The following SYT14 variants were observed in gnomAD, a reference collection of about 807,000 sequenced individuals.
The protein encoded by SYT14 is synaptotagmin 14.
Under a neutral mutation model 74.2 loss-of-function variants are expected in SYT14, and 32 were observed. That is an observed-to-expected ratio of 0.43 (90% confidence interval 0.33 to 0.58). SYT14 has a LOEUF of 0.58. Ranked by LOEUF, SYT14 falls within the 20% of genes least tolerant of loss-of-function variation. SYT14 has a pLI of 0.05. For missense variants in SYT14, 791 were observed against 981.8 expected (o/e 0.81, Z 2.60); for synonymous variants, 298 against 337.7 (o/e 0.88, Z 1.29).
At chr1:210,157,413 G>C (rs1021867387) in intron 8 of SYT14, among the ~76,000 whole-genome samples, 20 of 151,274 alleles carry the variant, frequency 1.3e-4, no homozygotes, top group Middle Eastern at 3.4e-3. Flanking sequence ...CCGCACTCCA[G>C]CCTGGGTGAC....
intron 7 of SYT14, among the ~76,000 whole-genome samples, chr1:210,155,410 C>A (rs886154450): frequency 3.0e-4 from 45 of 152,126 alleles, no homozygotes; most frequent in African/African-American, 1.1e-3. Flanking sequence ...AATCTTTAAA[C>A]AATAATTTCT....
At position 209,982,110 on chromosome 1, in the gene SYT14, G is replaced by T. The variant is rs192474457; in HGVS notation, c.-486+29354G>T. Reference sequence around the variant, plus strand: ...AGAATGCCAGTAATTCATAGGTTTGGTTACTTTACATAGTCCCATATTTCT... The same window carrying T: ...AGAATGCCAGTAATTCATAGGTTTGTTTACTTTACATAGTCCCATATTTCT... On this transcript the variant is annotated intron_variant, in intron 2 of 9. Transcript: ENST00000637265. 2.0e-5 allele frequency among the ~76,000 whole-genome samples: 3 copies of T among 151,936 alleles called. No homozygotes were observed. In the East Asian group the frequency reaches 5.8e-4, roughly 29 times the overall value.
chr1:210,021,584 G>A (rs1376759960), intron 5 of SYT14, among the ~76,000 whole-genome samples: 1 of 152,208 alleles, frequency 6.6e-6, no homozygotes, highest in Non-Finnish European at 1.5e-5. Context: ...CTCTATACCT[G>A]TTATAGGAAC....
At chr1:209,993,174 C>T (rs578256719) in intron 2 of SYT14, among the ~76,000 whole-genome samples, 1 of 152,312 alleles carries the variant, frequency 6.6e-6, no homozygotes, top group African/African-American at 2.4e-5. Context: ...TTCCCCATCC[C>T]CCTTCAGGAA....
chr1:210,086,622 A>G (rs1403913688), intron 5 of SYT14, among the ~76,000 whole-genome samples: 1 of 152,190 alleles, frequency 6.6e-6, no homozygotes, highest in Non-Finnish European at 1.5e-5. Context: ...CCTGGTTCCT[A>G]TTAGTGGATA....
chr1:210,096,466 A>G (rs970197396), intron 6 of SYT14, among the ~76,000 whole-genome samples: 1 of 152,200 alleles, frequency 6.6e-6, no homozygotes, highest in African/African-American at 2.4e-5. Flanking sequence ...TCAGAAATCC[A>G]TTAACACACC....
intron 2 of SYT14, among the ~76,000 whole-genome samples, chr1:209,978,332 G>A (rs940565648): frequency 1.3e-5 from 2 of 151,924 alleles, no homozygotes; most frequent in South Asian, 2.1e-4. Flanking sequence ...CCATCTTTGT[G>A]GTTTTATCTA....
intron 2 of SYT14, among the ~76,000 whole-genome samples, chr1:209,955,243 G>C (rs188477306): frequency 6.6e-6 from 1 of 152,056 alleles, no homozygotes; most frequent in Non-Finnish European, 1.5e-5. Context: ...TGAGTTACTT[G>C]ATGTTTCTAT....
chr1:210,146,644 TAAG>T (rs2083041005), intron 7 of SYT14, among the ~76,000 whole-genome samples: 1 of 151,616 alleles, frequency 6.6e-6, no homozygotes, highest in East Asian at 1.9e-4. Context: ...GATAGACTAG[TAAG>T]AAATCAAGGA....
intron 1 of SYT14, among the ~76,000 whole-genome samples, chr1:209,942,360 A>AC (rs34726566): frequency 0.026 from 1,906 of 74,442 alleles, 163 homozygotes; most frequent in African/African-American, 0.091. Flanking sequence ...ATGCAAATTT[A>AC]CCCCCCCCCC....
At chr1:210,050,967 AG>A (rs1558154428) in intron 5 of SYT14, among the ~76,000 whole-genome samples, 1 of 152,224 alleles carries the variant, frequency 6.6e-6, no homozygotes. Flanking sequence ...TTTGTGAGGA[AG>A]GACATTTAGA....
chr1:210,143,443 G>A (rs2082961838), intron 7 of SYT14, among the ~76,000 whole-genome samples: 1 of 152,022 alleles, frequency 6.6e-6, no homozygotes. Flanking sequence ...ATCTAAATTT[G>A]TTAAATATTA....
intron 2 of SYT14, among the ~76,000 whole-genome samples, chr1:210,011,474 C>T (rs538947129): frequency 6.6e-6 from 1 of 152,286 alleles, no homozygotes; most frequent in East Asian, 1.9e-4. Flanking sequence ...ATCCAGCTAG[C>T]ACTCCTACCG....
chr1:209,978,937 T>C (rs1372193117), intron 2 of SYT14, among the ~76,000 whole-genome samples: 1 of 152,154 alleles, frequency 6.6e-6, no homozygotes, highest in Middle Eastern at 3.2e-3. Flanking sequence ...GCTGCCGCCT[T>C]ACAGTTTGAT....
At chr1:210,069,576 A>G (rs575945425) in intron 5 of SYT14, among the ~76,000 whole-genome samples, 5 of 152,058 alleles carry the variant, frequency 3.3e-5, no homozygotes, top group African/African-American at 9.6e-5. Context: ...GGGCTCAAAA[A>G]CTATTTTATT....
At chr1:210,055,529 A>G (rs1445900159) in intron 5 of SYT14, among the ~76,000 whole-genome samples, 2 of 152,094 alleles carry the variant, frequency 1.3e-5, no homozygotes, top group Non-Finnish European at 2.9e-5. Flanking sequence ...TAAAAATAGA[A>G]TTGTTGGCCA....
chr1:210,081,770 A>G (rs558463797), intron 5 of SYT14, among the ~76,000 whole-genome samples: 44 of 152,362 alleles, frequency 2.9e-4, no homozygotes, highest in Admixed American at 5.2e-4. Context: ...ACTACCTAGT[A>G]TCCAAAGCAC....
chr1:210,062,742 A>G (rs888086949), intron 5 of SYT14, among the ~76,000 whole-genome samples: 1 of 151,928 alleles, frequency 6.6e-6, no homozygotes, highest in African/African-American at 2.4e-5. Context: ...TTTGACACTT[A>G]TATTTTAATT....
intron 2 of SYT14, among the ~76,000 whole-genome samples, chr1:210,005,153 A>G (rs1472981373): frequency 2.0e-5 from 3 of 151,958 alleles, no homozygotes; most frequent in Middle Eastern, 3.2e-3. Flanking sequence ...TTTTCAGCAA[A>G]AGCTACTTCT....
Sources: gnomAD v4.1 joint callset for allele counts (sites outside exome capture counted in the v4.1 genomes callset) on GRCh38, gnomAD v4.1.1 for gene constraint, MANE v1.5 for transcripts, NCBI Gene and HGNC (gene_info 2026-07-23, HGNC 2026-07-21) for gene names.